The following UBR2 variants were observed in gnomAD, a reference collection of about 807,000 sequenced individuals.
The protein encoded by UBR2 is E3 ubiquitin-protein ligase UBR2.
Under a neutral mutation model 247.9 loss-of-function variants are expected in UBR2, and 92 were observed. That is an observed-to-expected ratio of 0.37 (90% confidence interval 0.31 to 0.44). The LOEUF (loss-of-function observed/expected upper bound fraction) is 0.44. Ranked by LOEUF, UBR2 falls within the 20% of genes least tolerant of loss-of-function variation. The pLI is 1.00. For synonymous variants in UBR2, 672 were observed against 693.5 expected, an observed-to-expected ratio of 0.97 and a Z score of 0.49; for missense variants, 1,613 against 2,112.6, an observed-to-expected ratio of 0.76 and a Z score of 4.64.
intron 45 of UBR2, among the ~76,000 whole-genome samples, chr6:42,688,707 T>C (rs1234541192): frequency 1.3e-5 from 2 of 152,236 alleles, no homozygotes; most frequent in Admixed American, 6.5e-5. Flanking sequence ...CTTTCTGTTA[T>C]GTCCTCATGG....
At chr6:42,653,908 G>A (rs925170558) in intron 25 of UBR2, among the ~76,000 whole-genome samples, 8 of 152,064 alleles carry the variant, frequency 5.3e-5, no homozygotes, top group Admixed American at 1.3e-4. Flanking sequence ...GTGAGCCACC[G>A]TGCCTGGCCA....
intron 29 of UBR2, 107 bp downstream of exon 29, chr6:42,658,931 G>T: frequency 8.1e-7 from 1 of 1,233,238 alleles, no homozygotes; most frequent in Non-Finnish European, 1.1e-6. Flanking sequence ...AAGTAATTTA[G>T]TAGAATTCAT....
At chr6:42,583,831 C>A (rs965262077) in intron 2 of UBR2, among the ~76,000 whole-genome samples, 3 of 151,850 alleles carry the variant, frequency 2.0e-5, no homozygotes, top group African/African-American at 7.3e-5. Flanking sequence ...GCCTCTCTCT[C>A]TAATTTTTTC....
At chr6:42,629,166 G>A (rs113379539) in intron 11 of UBR2, among the ~76,000 whole-genome samples, 3,535 of 151,898 alleles carry the variant, frequency 0.023, 121 homozygotes, top group African/African-American at 0.08. Context: ...ATAGGTGCCC[G>A]CCACCATGCC....
In UBR2 at chr6:42,640,223, T is replaced by G; in HGVS notation, c.1873T>G (p.Leu625Val). 1 of 1,607,414 alleles carries G rather than the reference T, an allele frequency of 6.2e-7. No homozygotes were observed. Among genetic ancestry groups the G allele is most frequent in the Non-Finnish European group, 8.5e-7 (1 of 1,177,872 alleles). The change falls in exon 16 of 47, where the codon TTA becomes GTA. Residue 625 changes from leucine (L) to valine (V), a missense_variant. Coordinates refer to ENST00000372901, the MANE Select transcript of UBR2 (RefSeq NM_001363705.2). ...SRLLAGLHVL[L>V]SKSEVAYKFP... ...CTTTCATGCAGGTTTACATGTATTA[T>G]TAAGCAAAAGTGAAGTGGCATATAA...
chr6:42,674,282 G>A (rs1337781972), intron 38 of UBR2, 89 bp downstream of exon 38: 3 of 1,196,114 alleles, frequency 2.5e-6, no homozygotes, highest in East Asian at 2.5e-5. Context: ...CAGACAGGAA[G>A]GAGTTATGTG....
At chr6:42,684,577 C>T (rs1799255384) in intron 43 of UBR2, among the ~76,000 whole-genome samples, 2 of 148,978 alleles carry the variant, frequency 1.3e-5, no homozygotes, top group Admixed American at 1.3e-4. Flanking sequence ...AGCTAGACTC[C>T]GTCTCAAAAA....
intron 2 of UBR2, among the ~76,000 whole-genome samples, chr6:42,576,870 G>A (rs1388286828): frequency 6.6e-6 from 1 of 152,080 alleles, no homozygotes; most frequent in African/African-American, 2.4e-5. Context: ...GTTCTAGGAT[G>A]TATAGTTTTT....
chr6:42,691,484 C>T lies in UBR2; in HGVS notation c.*311C>T, dbSNP rs1799747243. On this transcript the variant is annotated 3_prime_UTR_variant, in exon 47 of 47. Transcript: ENST00000372901. ...GTCCCAGCCATTATGTGATATTTCACGTTATTGATGATAGTGAACCGTGGG... is the reference window on the plus strand; with the variant it reads ...GTCCCAGCCATTATGTGATATTTCATGTTATTGATGATAGTGAACCGTGGG... 3.0e-6 allele frequency: 1 copy of T among 338,052 alleles called. No individual in the cohort carries two copies. Among genetic ancestry groups the T allele is most frequent in the Non-Finnish European group, 5.5e-6 (1 of 181,466 alleles). 20.9% of individuals were successfully genotyped at this position (338,052 alleles called of 1,614,324 possible).
chr6:42,678,786 C>A, intron 41 of UBR2, 117 bp downstream of exon 41: 1 of 1,133,098 alleles, frequency 8.8e-7, no homozygotes, highest in Non-Finnish European at 1.2e-6. Context: ...AGCTTATTGA[C>A]TATGGTGATG....
intron 11 of UBR2, chr6:42,619,412 C>CACATATAT (rs1226489376): frequency 3.2e-4 from 9 of 28,448 alleles, no homozygotes; most frequent in African/African-American, 1.0e-3. Context: ...TCGTTATGAA[C>CACATATAT]ATATATATAT....
intron 26 of UBR2, among the ~76,000 whole-genome samples, chr6:42,657,032 C>T (rs1374744041): frequency 6.6e-6 from 1 of 151,922 alleles, no homozygotes; most frequent in Admixed American, 6.6e-5. Flanking sequence ...GTCAAGAGTT[C>T]GAGACCAACC....
rs142660247 is a variant in UBR2, at chr6:42,626,075, A to G, written c.1282-6477A>G. On this transcript the variant is annotated intron_variant, in intron 11 of 46. Coordinates refer to ENST00000372901, the MANE Select transcript of UBR2 (RefSeq NM_001363705.2). ...GTGATCTGCCTGCCTCAGCCTCCCAAAGTGCTGGGATTACAGGCGTGAGCC... is the reference window on the plus strand; with the variant it reads ...GTGATCTGCCTGCCTCAGCCTCCCAGAGTGCTGGGATTACAGGCGTGAGCC... Among the ~76,000 whole-genome samples, 440 of 151,962 alleles carry G rather than the reference A, an allele frequency of 2.9e-3. 1 individual carries two copies. The highest frequency in any genetic ancestry group is 0.01 in the Middle Eastern group (3 of 292).
chr6:42,663,560 T>C (rs1415435878), intron 32 of UBR2, 141 bp downstream of exon 32: 2 of 884,056 alleles, frequency 2.3e-6, no homozygotes, highest in African/African-American at 3.5e-5. Context: ...CATTTTCTTC[T>C]AGCAGACCTG....
intron 21 of UBR2, among the ~76,000 whole-genome samples, chr6:42,646,404 C>T (rs1796753770): frequency 6.6e-6 from 1 of 152,162 alleles, no homozygotes; most frequent in Non-Finnish European, 1.5e-5. Flanking sequence ...AACCCATCAC[C>T]AGCTTCAACA....
chr6:42,678,063 T>C (rs914682173), intron 40 of UBR2, among the ~76,000 whole-genome samples: 1 of 152,176 alleles, frequency 6.6e-6, no homozygotes, highest in African/African-American at 2.4e-5. Context: ...TTATAAATTT[T>C]AATAACATCA....
rs188992186 is a variant in UBR2 at position 42,669,641 on chromosome 6, C to T, written c.3882-451C>T. ...GCATAAGGCAATGAGCATAAGGATA[C>T]CTGGTGGACAGGTTGGAGCTTGCTG... On this transcript the variant is annotated intron_variant, in intron 34 of 46. Coordinates refer to ENST00000372901, the MANE Select transcript of UBR2 (RefSeq NM_001363705.2). 5.6e-4 allele frequency among the ~76,000 whole-genome samples: 85 copies of T among 152,284 alleles called. No homozygotes were observed. In the East Asian group the frequency reaches 0.012, roughly 22 times the overall value.
At chr6:42,644,145 A>C in intron 18 of UBR2, 69 bp from the exon 19 acceptor site, 1 of 1,497,882 alleles carries the variant, frequency 6.7e-7, no homozygotes, top group Non-Finnish European at 8.9e-7. Flanking sequence ...TCTCTCACTA[A>C]TTGTTTCAAT....
chr6:42,579,115 A>G (rs554572583), intron 2 of UBR2, among the ~76,000 whole-genome samples: 2 of 152,192 alleles, frequency 1.3e-5, no homozygotes, highest in Admixed American at 6.5e-5. Context: ...AAGAGGTTTA[A>G]TTGGCTCACA....
Sources: allele counts gnomAD v4.1 joint callset (sites outside exome capture counted in the v4.1 genomes callset), GRCh38; gene constraint gnomAD v4.1.1; transcripts MANE v1.5; gene names NCBI Gene and HGNC (gene_info 2026-07-23, HGNC 2026-07-21).